The following NCS1 variants were observed in gnomAD, a reference collection of about 807,000 sequenced individuals.
The protein encoded by NCS1 is neuronal calcium sensor 1.
Under a neutral mutation model 28.4 loss-of-function variants are expected in NCS1, and 6 were observed. The ratio of observed to expected loss-of-function variants is 0.21; its 90% confidence interval spans 0.12 to 0.42. The LOEUF is 0.42. Among genes scored for constraint, NCS1 ranks in the 10% least tolerant of loss-of-function variants. NCS1 has a pLI of 1.00. For missense variants in NCS1, 131 were observed against 241.4 expected (o/e 0.54, Z 3.03); for synonymous variants, 86 against 99.3 (o/e 0.87, Z 0.79).
chr9:130,236,544 C>G lies in NCS1; in HGVS notation c.*3572C>G, dbSNP rs1476336355. On this transcript the variant is annotated 3_prime_UTR_variant, in exon 8 of 8. Coordinates refer to ENST00000372398, the MANE Select transcript of NCS1 (RefSeq NM_014286.4). Reference sequence around the variant, plus strand: ...GGCACTGTGATGGGAAGCCTTGCCCCCCTCTTTTTTTTTTTTTTTTAATAT... The same window carrying G: ...GGCACTGTGATGGGAAGCCTTGCCCGCCTCTTTTTTTTTTTTTTTTAATAT... The G allele has an allele frequency of 1.2e-5, 1 of 82,466 alleles. No individual in the cohort carries two copies. The highest frequency in any genetic ancestry group is 2.3e-5 in the Non-Finnish European group (1 of 42,596). 5.1% of individuals were successfully genotyped at this position (82,466 alleles called of 1,614,324 possible). A position where few individuals can be genotyped will look rare whatever the true frequency, so the allele number is the denominator to read the frequency against.
chr9:130,175,552 G>T lies in NCS1; in HGVS notation c.64+2825G>T, dbSNP rs1283303935. 6.6e-6 allele frequency among the ~76,000 whole-genome samples: 1 copy of T among 152,180 alleles called. No homozygotes were observed. The highest frequency in any genetic ancestry group is 1.5e-5 in the Non-Finnish European group (1 of 68,016). On this transcript the variant is annotated intron_variant, in intron 1 of 7. Coordinates refer to ENST00000372398, the MANE Select transcript of NCS1 (RefSeq NM_014286.4). The surrounding 1 kb of genome is among the most constrained non-coding windows in gnomAD (Gnocchi z 4.9). Reference sequence around the variant, plus strand: ...AGACCACAGTTCCAGTGTATGCTGGGGGTCCTAGCCCACCTCATGCATAGC... The same window carrying T: ...AGACCACAGTTCCAGTGTATGCTGGTGGTCCTAGCCCACCTCATGCATAGC...
At chr9:130,220,274 A>G (rs1463111978) in intron 4 of NCS1, among the ~76,000 whole-genome samples, 4 of 152,176 alleles carry the variant, frequency 2.6e-5, no homozygotes, top group Non-Finnish European at 5.9e-5. Context: ...TTACTCACTC[A>G]TTCATTGACC....
chr9:130,200,478 C>T (rs1554907331), intron 1 of NCS1: 3 of 1,206,138 alleles, frequency 2.5e-6, no homozygotes, highest in East Asian at 5.1e-5. Context: ...GAGGGTGGTC[C>T]ACCCTTCTGC....
At chr9:130,201,436 G>A (rs575861451) in intron 2 of NCS1, among the ~76,000 whole-genome samples, 2 of 152,302 alleles carry the variant, frequency 1.3e-5, no homozygotes, top group Admixed American at 6.5e-5. Context: ...TGTCGTAGCT[G>A]CCTGGAGGGC....
intron 1 of NCS1, among the ~76,000 whole-genome samples, chr9:130,174,270 A>G (rs1478510110): frequency 3.3e-5 from 5 of 152,176 alleles, no homozygotes; most frequent in Non-Finnish European, 7.4e-5. Flanking sequence ...GGATGCCTCC[A>G]TCATGGTGGG....
At position 130,219,103 on chromosome 9, in the gene NCS1, T is replaced by C. The variant is rs1833232508; in HGVS notation, c.229-622T>C. 6.6e-6 allele frequency among the ~76,000 whole-genome samples: 1 copy of C among 152,142 alleles called. No individual in the cohort carries two copies. Among genetic ancestry groups the C allele is most frequent in the South Asian group, 2.1e-4 (1 of 4,820 alleles). On this transcript the variant is annotated intron_variant, in intron 3 of 7. Coordinates refer to ENST00000372398, the MANE Select transcript of NCS1 (RefSeq NM_014286.4). The surrounding 1 kb of genome is among the most constrained non-coding windows in gnomAD (Gnocchi z 5.7). ...GTGGCTGCACGGATAGCTGTTGGGTTATCTGCGATGACCCTGATTCTGTCC... is the reference window on the plus strand; with the variant it reads ...GTGGCTGCACGGATAGCTGTTGGGTCATCTGCGATGACCCTGATTCTGTCC...
At chr9:130,176,683 C>T (rs1047109363) in intron 1 of NCS1, among the ~76,000 whole-genome samples, 2 of 152,212 alleles carry the variant, frequency 1.3e-5, no homozygotes, top group Non-Finnish European at 2.9e-5. Context: ...TTACGTGTAG[C>T]GGCCTCCGCA....
rs201884594 is a variant in NCS1, at chr9:130,223,167, G to C, written c.474+8G>C. The stretch of plus-strand genomic sequence containing the variant: ...TTTGCCATGATGGATAAGGTGAGGT[G>C]GGGGGGCGGGGCTGGTCCTGGACCA... On this transcript the variant is annotated splice_region_variant and intron_variant, in intron 6 of 7. Transcript: ENST00000372398. The C allele has an allele frequency of 1.4e-5, 23 of 1,590,286 alleles. No homozygotes were observed. The highest frequency in any genetic ancestry group is 1.7e-4 in the Middle Eastern group (1 of 6,006).
intron 4 of NCS1, among the ~76,000 whole-genome samples, chr9:130,220,733 C>G (rs1554910138): frequency 6.6e-6 from 1 of 151,208 alleles, no homozygotes; most frequent in East Asian, 1.9e-4. Flanking sequence ...CCTGCAGTTT[C>G]TTTTTCTTTT....
chr9:130,223,543 G>T (rs1032540102), intron 6 of NCS1, among the ~76,000 whole-genome samples: 4 of 152,128 alleles, frequency 2.6e-5, no homozygotes, highest in Admixed American at 6.6e-5. Flanking sequence ...AAAAGAATCT[G>T]TGATGTAGCG....
intron 1 of NCS1, among the ~76,000 whole-genome samples, 190 bp from the exon 2 acceptor site, chr9:130,200,768 G>A (rs1832934347): frequency 6.6e-6 from 1 of 152,248 alleles, no homozygotes; most frequent in Non-Finnish European, 1.5e-5. Context: ...CCCTGCTGGG[G>A]TGGTGGGTAC....
chr9:130,225,163 G>A (rs1414937509), intron 6 of NCS1, among the ~76,000 whole-genome samples: 2 of 152,242 alleles, frequency 1.3e-5, no homozygotes, highest in African/African-American at 4.8e-5. Flanking sequence ...TTGCACTCCA[G>A]CCTGGGTGAC....
chr9:130,223,302 T>A, intron 6 of NCS1, 143 bp downstream of exon 6: 1 of 702,090 alleles, frequency 1.4e-6, no homozygotes. Context: ...CTATCCCTGC[T>A]CAGCAGCTAG....
intron 3 of NCS1, 61 bp downstream of exon 3, chr9:130,218,031 G>T (rs1024165005): frequency 6.2e-7 from 1 of 1,601,380 alleles, no homozygotes; most frequent in Non-Finnish European, 8.5e-7. Context: ...TACCCGCAGC[G>T]TCTCCACACC....
At chr9:130,220,364 C>T (rs1443120027) in intron 4 of NCS1, among the ~76,000 whole-genome samples, 6 of 152,084 alleles carry the variant, frequency 3.9e-5, no homozygotes, top group Admixed American at 2.0e-4. Context: ...GCTCTCAGGG[C>T]GATCAGTCTA....
At position 130,219,460 on chromosome 9, in the gene NCS1, G is replaced by A. The variant is rs1273310497; in HGVS notation, c.229-265G>A. Among the ~76,000 whole-genome samples, 2 of 152,130 alleles carry A rather than the reference G, an allele frequency of 1.3e-5. No individual in the cohort carries two copies. The highest frequency in any genetic ancestry group is 3.9e-4 in the East Asian group (2 of 5,194). On this transcript the variant is annotated intron_variant, in intron 3 of 7. Coordinates refer to ENST00000372398, the MANE Select transcript of NCS1 (RefSeq NM_014286.4). This position sits in a 1 kb window ranked among gnomAD's most constrained non-coding sequence, Gnocchi z 5.7. ...CCTTCTCCCATCAAGAGTGGAGTAA[G>A]CCTCTCCGTTCAGCCTCAGTCCTTC...
chr9:130,173,758 T>C (rs1832524703), intron 1 of NCS1, among the ~76,000 whole-genome samples: 1 of 152,154 alleles, frequency 6.6e-6, no homozygotes, highest in Admixed American at 6.5e-5. Context: ...GGCAGCAGCT[T>C]GACCGCCAGC....
At chr9:130,222,504 A>C (rs1833346006) in intron 4 of NCS1, 146 bp from the exon 5 acceptor site, 3 of 703,884 alleles carry the variant, frequency 4.3e-6, no homozygotes, top group Admixed American at 2.0e-5. Context: ...GTCCCTGTCT[A>C]TCCTGATGTA....
intron 1 of NCS1, among the ~76,000 whole-genome samples, chr9:130,182,653 GT>G (rs1554905240): frequency 6.6e-6 from 1 of 152,208 alleles, no homozygotes; most frequent in African/African-American, 2.4e-5. Context: ...ACCCACCCCA[GT>G]GGAGGCTCAG....
Sources: allele counts gnomAD v4.1 joint callset (sites outside exome capture counted in the v4.1 genomes callset), GRCh38; gene constraint gnomAD v4.1.1; non-coding constraint Gnocchi (gnomAD v3.1); transcripts MANE v1.5; gene names NCBI Gene and HGNC (gene_info 2026-07-23, HGNC 2026-07-21).